TMTC3: variants seen among roughly 807,000 people sequenced by gnomAD.
TMTC3 encodes protein O-mannosyl-transferase TMTC3.
In TMTC3, 52 loss-of-function variants were observed where a neutral mutation model predicts 92.2. The observed-to-expected ratio is 0.56, with a 90% CI of 0.45 to 0.71. The LOEUF is 0.71. Among genes scored for constraint, TMTC3 ranks in the 30% least tolerant of loss-of-function variants. TMTC3 has a pLI of 0.00. For missense variants in TMTC3, 896 were observed against 1,057.1 expected (o/e 0.85, Z 2.11); for synonymous variants, 339 against 363.3 (o/e 0.93, Z 0.76).
chr12:88,182,428 G>T (rs2041328355), intron 10 of TMTC3, among the ~76,000 whole-genome samples: 1 of 152,286 alleles, frequency 6.6e-6, no homozygotes, highest in Non-Finnish European at 1.5e-5. Flanking sequence ...CTTATCAGTA[G>T]TTATGCCCAA....
intron 11 of TMTC3, among the ~76,000 whole-genome samples, chr12:88,189,930 A>G (rs1437688315): frequency 6.6e-6 from 1 of 152,108 alleles, no homozygotes; most frequent in Non-Finnish European, 1.5e-5. Context: ...AATCCTTAAA[A>G]TGTCATACAG....
intron 1 of TMTC3, among the ~76,000 whole-genome samples, chr12:88,146,591 TTGTGTG>T (rs147128254): frequency 1.4e-5 from 2 of 143,070 alleles, no homozygotes; most frequent in African/African-American, 5.1e-5. Flanking sequence ...ACCTATATAT[TTGTGTG>T]TGTGTGTGTG....
chr12:88,160,655 TA>T, intron 5 of TMTC3, 23 bp from the exon 6 acceptor site: 1 of 1,607,424 alleles, frequency 6.2e-7, no homozygotes, highest in Non-Finnish European at 8.5e-7. Flanking sequence ...ATTTGTTGCT[TA>T]AAACATTTCT....
chr12:88,194,799 T>C, intron 13 of TMTC3, 39 bp from the exon 14 acceptor site: 1 of 1,291,342 alleles, frequency 7.7e-7, no homozygotes, highest in African/African-American at 1.5e-5. Flanking sequence ...TTTAATTATT[T>C]TATTAACAAT....
intron 6 of TMTC3, among the ~76,000 whole-genome samples, chr12:88,162,368 T>C (rs1258240834): frequency 6.6e-6 from 1 of 152,172 alleles, no homozygotes; most frequent in Non-Finnish European, 1.5e-5. Context: ...TTTTGGAAAA[T>C]GTTTAGCTAG....
At chr12:88,152,391 C>A (rs917789972) in intron 2 of TMTC3, among the ~76,000 whole-genome samples, 1 of 152,046 alleles carries the variant, frequency 6.6e-6, no homozygotes, top group African/African-American at 2.4e-5. Context: ...CATAAAGGAC[C>A]CAACCCCAAT....
intron 4 of TMTC3, among the ~76,000 whole-genome samples, chr12:88,156,528 G>A (rs991222352): frequency 1.3e-5 from 2 of 152,066 alleles, no homozygotes; most frequent in Non-Finnish European, 2.9e-5. Flanking sequence ...GGAGTGATTG[G>A]TTGGTTTGTA....
intron 10 of TMTC3, among the ~76,000 whole-genome samples, chr12:88,177,609 C>T (rs35614516): frequency 0.022 from 3,284 of 152,188 alleles, 61 homozygotes; most frequent in Middle Eastern, 0.065. Context: ...CAGTATTTTT[C>T]GACAGGAGTG....
At chr12:88,179,697 A>G (rs985445603) in intron 10 of TMTC3, among the ~76,000 whole-genome samples, 5 of 152,046 alleles carry the variant, frequency 3.3e-5, no homozygotes, top group African/African-American at 9.7e-5. Flanking sequence ...AGAGTGCAGC[A>G]GCCACCAAGA....
At chr12:88,154,594 T>C (rs1317120982) in intron 4 of TMTC3, among the ~76,000 whole-genome samples, 1 of 152,220 alleles carries the variant, frequency 6.6e-6, no homozygotes, top group East Asian at 1.9e-4. Context: ...ATTTTTATCT[T>C]GAGCTAATAG....
intron 8 of TMTC3, chr12:88,173,048 C>T (rs2041222737): frequency 7.6e-7 from 1 of 1,319,342 alleles, no homozygotes; most frequent in Admixed American, 2.3e-5. Context: ...ACCATTGCCA[C>T]TTCCATATTC....
At chr12:88,189,646 G>A (rs925540902) in intron 11 of TMTC3, among the ~76,000 whole-genome samples, 1 of 152,028 alleles carries the variant, frequency 6.6e-6, no homozygotes, top group Admixed American at 6.5e-5. Flanking sequence ...TTAAATATAA[G>A]GTAGTATCGA....
chr12:88,178,000 C>T (rs535550690), intron 10 of TMTC3, among the ~76,000 whole-genome samples: 3 of 152,232 alleles, frequency 2.0e-5, no homozygotes, highest in African/African-American at 7.2e-5. Flanking sequence ...TCAAAGACTA[C>T]AACACTGATA....
chr12:88,169,333 AAAAG>A (rs1489075988), intron 7 of TMTC3, among the ~76,000 whole-genome samples: 1 of 152,184 alleles, frequency 6.6e-6, no homozygotes, highest in Non-Finnish European at 1.5e-5. Flanking sequence ...GAGTTTTCCT[AAAAG>A]AAAGGTTAAA....
At chr12:88,174,238 AGGTTG>A (rs1345029085) in intron 8 of TMTC3, among the ~76,000 whole-genome samples, 1 of 152,120 alleles carries the variant, frequency 6.6e-6, no homozygotes, top group Non-Finnish European at 1.5e-5. Context: ...ATCAGTGATA[AGGTTG>A]ACCCCTTTCT....
chr12:88,189,979 A>T (rs1433834179), intron 11 of TMTC3, among the ~76,000 whole-genome samples: 1 of 152,094 alleles, frequency 6.6e-6, no homozygotes, highest in Admixed American at 6.6e-5. Context: ...ATCACTATTA[A>T]TATTACTATA....
rs1418054681 is a variant in TMTC3 at position 88,188,725 on chromosome 12, C to CT, written c.1433-116dup. Reference sequence around the variant, plus strand: ...AGTGTGTTTGTTTCTGGAAATATGTCTTCTCATTAGTTACATTGAATACTT... The same window carrying CT: ...AGTGTGTTTGTTTCTGGAAATATGTCTTTCTCATTAGTTACATTGAATACTT... On this transcript the variant is annotated intron_variant, in intron 10 of 13. Transcript: ENST00000266712. 1.5e-5 allele frequency: 8 copies of CT among 532,846 alleles called. No individual in the cohort carries two copies. The African/African-American group carries it at 1.6e-4, about 11-fold the overall frequency. 33.0% of individuals were successfully genotyped at this position (532,846 alleles called of 1,614,324 possible).
chr12:88,188,971 G>A, intron 11 of TMTC3, 25 bp downstream of exon 11: 1 of 1,279,662 alleles, frequency 7.8e-7, no homozygotes, highest in Non-Finnish European at 1.1e-6. Context: ...TTTATCTATT[G>A]TGTCATATCT....
At chr12:88,143,172 A>G (rs1024607328) in intron 1 of TMTC3, among the ~76,000 whole-genome samples, 7 of 148,700 alleles carry the variant, frequency 4.7e-5, no homozygotes, top group African/African-American at 1.7e-4. Context: ...TTTTTTTTTT[A>G]AACGCTGCTT....
Sources: gnomAD v4.1 joint callset for allele counts (sites outside exome capture counted in the v4.1 genomes callset) on GRCh38, gnomAD v4.1.1 for gene constraint, MANE v1.5 for transcripts, NCBI Gene and HGNC (gene_info 2026-07-23, HGNC 2026-07-21) for gene names.